Variants in ZNF420 observed in about 807,000 individuals in gnomAD.
ZNF420 encodes ATM and p53-associated KZNF protein.
In ZNF420, 31 loss-of-function variants were observed where a neutral mutation model predicts 44.7. That is an observed-to-expected ratio of 0.69 (90% CI 0.52 to 0.94). The LOEUF is 0.94. ZNF420 is among the 40% of genes least tolerant of loss of function. The pLI is 0.00. For missense variants in ZNF420, 681 were observed against 827.9 expected (o/e 0.82, Z 2.18); for synonymous variants, 245 against 267.4 (o/e 0.92, Z 0.82).
intron 1 of ZNF420, among the ~76,000 whole-genome samples, chr19:37,033,259 A>G (rs1186817737): frequency 1.3e-5 from 2 of 152,214 alleles, no homozygotes; most frequent in Admixed American, 6.5e-5. Flanking sequence ...GTCACTAAAT[A>G]CAATCACACG....
intron 4 of ZNF420, chr19:37,106,953 A>G (rs1970124231): frequency 1.3e-5 from 2 of 152,080 alleles, no homozygotes; most frequent in African/African-American, 2.4e-5. Context: ...CACGTGTACA[A>G]ACATCTCGGT....
intron 1 of ZNF420, chr19:37,008,087 G>A: frequency 3.7e-6 from 1 of 269,250 alleles, no homozygotes; most frequent in East Asian, 1.1e-4. Context: ...GTGCGGGTGA[G>A]TCTCCCCAAA....
intron 1 of ZNF420, among the ~76,000 whole-genome samples, chr19:37,070,088 G>C (rs1418813497): frequency 1.3e-5 from 2 of 152,000 alleles, no homozygotes; most frequent in Non-Finnish European, 2.9e-5. Context: ...CAATATAATT[G>C]AATAATGAAT....
chr19:37,027,707 A>T (rs1280745361), intron 1 of ZNF420, among the ~76,000 whole-genome samples: 1 of 152,138 alleles, frequency 6.6e-6, no homozygotes, highest in Non-Finnish European at 1.5e-5. Context: ...GGCTTCTTTC[A>T]CTTAGAAATA....
At chr19:37,039,210 T>C (rs1049835644) in intron 1 of ZNF420, among the ~76,000 whole-genome samples, 3 of 152,230 alleles carry the variant, frequency 2.0e-5, no homozygotes, top group African/African-American at 7.2e-5. Flanking sequence ...ATGAATGTTC[T>C]TAATGGCATC....
intron 1 of ZNF420, among the ~76,000 whole-genome samples, chr19:37,014,095 G>A (rs1405793617): frequency 6.6e-6 from 1 of 152,180 alleles, no homozygotes; most frequent in South Asian, 2.1e-4. Flanking sequence ...TGGAGGAGGC[G>A]AGAGGTTTCT....
chr19:37,061,140 C>T (rs1267819110), intron 1 of ZNF420, among the ~76,000 whole-genome samples: 1 of 152,188 alleles, frequency 6.6e-6, no homozygotes, highest in Non-Finnish European at 1.5e-5. Flanking sequence ...TTCGCCATCG[C>T]CCCGTATGCC....
At chr19:37,067,026 T>G (rs191339281) in intron 1 of ZNF420, among the ~76,000 whole-genome samples, 32 of 152,238 alleles carry the variant, frequency 2.1e-4, no homozygotes, top group Non-Finnish European at 3.1e-4. Context: ...TTATACTGAG[T>G]GAAAGAAGCC....
At chr19:37,060,502 T>C (rs1233915797) in intron 1 of ZNF420, among the ~76,000 whole-genome samples, 3 of 152,172 alleles carry the variant, frequency 2.0e-5, no homozygotes, top group African/African-American at 7.2e-5. Context: ...GGGGCCTAGA[T>C]GCTTCTTGGT....
chr19:37,117,198 A>AC (rs977821079), intron 4 of ZNF420, among the ~76,000 whole-genome samples: 5 of 151,964 alleles, frequency 3.3e-5, no homozygotes, highest in African/African-American at 1.2e-4. Context: ...ACTGGGAGGC[A>AC]CCCCCCAGTA....
At chr19:37,106,497 T>A (rs1012384303) in intron 4 of ZNF420, among the ~76,000 whole-genome samples, 3 of 152,188 alleles carry the variant, frequency 2.0e-5, no homozygotes, top group Non-Finnish European at 4.4e-5. Flanking sequence ...ACTATTATTG[T>A]GAAGATTACC....
At chr19:37,068,016 T>TAC (rs1317454028) in intron 1 of ZNF420, among the ~76,000 whole-genome samples, 1 of 152,054 alleles carries the variant, frequency 6.6e-6, no homozygotes, top group African/African-American at 2.4e-5. Flanking sequence ...TATATATATA[T>TAC]ACACTTACAC....
chr19:37,124,044 C>T (rs528190525), intron 4 of ZNF420, among the ~76,000 whole-genome samples: 1 of 152,258 alleles, frequency 6.6e-6, no homozygotes, highest in South Asian at 2.1e-4. Context: ...TACAACAGTT[C>T]TATTAACCAT....
chr19:37,011,060 G>A (rs1217602328), intron 1 of ZNF420, among the ~76,000 whole-genome samples: 2 of 152,192 alleles, frequency 1.3e-5, no homozygotes, highest in African/African-American at 4.8e-5. Flanking sequence ...CGGTGGCACT[G>A]TGCTGTATCC....
At chr19:37,033,268 C>T (rs989000591) in intron 1 of ZNF420, among the ~76,000 whole-genome samples, 3 of 152,184 alleles carry the variant, frequency 2.0e-5, no homozygotes, top group African/African-American at 4.8e-5. Flanking sequence ...TACAATCACA[C>T]GATTGTACAA....
At chr19:37,033,916 C>T (rs1275998299) in intron 1 of ZNF420, among the ~76,000 whole-genome samples, 1 of 152,122 alleles carries the variant, frequency 6.6e-6, no homozygotes, top group Non-Finnish European at 1.5e-5. Flanking sequence ...AGCACCACGC[C>T]TGGCTAATTT....
intron 2 of ZNF420, among the ~76,000 whole-genome samples, chr19:37,083,553 C>G (rs1320717144): frequency 6.6e-6 from 1 of 152,170 alleles, no homozygotes; most frequent in East Asian, 1.9e-4. Context: ...ATGTTTCGAT[C>G]TGTGACAATA....
rs557445199 is a variant in ZNF420 at position 37,010,840 on chromosome 19, C to T, written c.-125+2758C>T. On this transcript the variant is annotated intron_variant, in intron 1 of 4. Coordinates refer to the ZNF420 transcript ENST00000587029. ...AGGATCAAGACGACCACACTCCAGC[C>T]AAGGACAAAAGCCTCACAGGAGCTC... Among the ~76,000 whole-genome samples the T allele has an allele frequency of 3.9e-5, 6 of 152,274 alleles. No individual in the cohort carries two copies. The East Asian group carries it at 1.2e-3, about 29-fold the overall frequency.
intron 4 of ZNF420, among the ~76,000 whole-genome samples, chr19:37,123,616 T>TTTG (rs1350565038): frequency 7.2e-6 from 1 of 139,818 alleles, no homozygotes; most frequent in African/African-American, 2.7e-5. Context: ...TTTTTTTTTT[T>TTTG]TTTTTTGAGC....
Sources: gnomAD v4.1 joint callset for allele counts (sites outside exome capture counted in the v4.1 genomes callset) on GRCh38, gnomAD v4.1.1 for gene constraint, MANE v1.5 for transcripts, NCBI Gene and HGNC (gene_info 2026-07-23, HGNC 2026-07-21) for gene names.